CASZ1: variants seen among roughly 807,000 people sequenced by gnomAD.
CASZ1 encodes the protein castor zinc finger 1.
A neutral mutation model predicts 135.2 loss-of-function variants in CASZ1; 28 were observed. The ratio of observed to expected loss-of-function variants is 0.21; its 90% CI spans 0.15 to 0.28. The LOEUF is 0.28. Among genes scored for constraint, CASZ1 ranks in the 10% least tolerant of loss-of-function variants. CASZ1 has a pLI of 1.00. For synonymous variants in CASZ1, 1,068 were observed against 1,073.4 expected, an observed-to-expected ratio of 0.99 and a Z score of 0.10; for missense variants, 2,161 against 2,453.3, an observed-to-expected ratio of 0.88 and a Z score of 2.52.
rs1041640094 is a variant in CASZ1, at chr1:10,709,793, C to T, written c.-76-4249G>A. On this transcript the variant is annotated intron_variant, in intron 2 of 20. Coordinates refer to ENST00000377022, the MANE Select transcript of CASZ1 (RefSeq NM_001079843.3). The surrounding 1 kb of genome is among the most constrained non-coding windows in gnomAD (Gnocchi z 5.1). ...GATCCCATGGCATAACCAGGCAAAA[C>T]GGAAAGGTCAGAGGAAGCCCGGAAC... Among the ~76,000 whole-genome samples the T allele has an allele frequency of 3.3e-5, 5 of 152,268 alleles. No individual in the cohort carries two copies. Among genetic ancestry groups the T allele is most frequent in the East Asian group, 3.9e-4 (2 of 5,164 alleles).
intron 1 of CASZ1, among the ~76,000 whole-genome samples, chr1:10,783,009 C>T (rs1323862150): frequency 1.3e-5 from 2 of 152,162 alleles, no homozygotes; most frequent in Non-Finnish European, 2.9e-5. Context: ...AACTCACTGA[C>T]TCAATTGCCT....
At position 10,657,996 on chromosome 1, in the gene CASZ1, C is replaced by CTT. The variant is rs1194066214; in HGVS notation, c.1409+510_1409+511dup. On this transcript the variant is annotated intron_variant, in intron 7 of 20. Coordinates refer to ENST00000377022, the MANE Select transcript of CASZ1 (RefSeq NM_001079843.3). This position sits in a 1 kb window ranked among gnomAD's most constrained non-coding sequence, Gnocchi z 5.7. ...ACCTTCTCTCTCGCTTTCTCTCTCT[C>CTT]TTTTTTTTTTTTTTTTTAAAGAGAT... 13 of 126,162 alleles carry CTT rather than the reference C, an allele frequency of 1.0e-4. No individual in the cohort carries two copies. Among genetic ancestry groups the CTT allele is most frequent in the East Asian group, 7.3e-4 (3 of 4,100 alleles). 7.8% of individuals were successfully genotyped at this position (126,162 alleles called of 1,614,324 possible). A position where few individuals can be genotyped will look rare whatever the true frequency, so the allele number is the denominator to read the frequency against.
chr1:10,758,581 C>T (rs1301868186), intron 2 of CASZ1, among the ~76,000 whole-genome samples: 2 of 152,192 alleles, frequency 1.3e-5, no homozygotes, highest in Non-Finnish European at 2.9e-5. Flanking sequence ...ATCTGTCTGC[C>T]TCAGCCTCCC....
At chr1:10,687,363 A>T (rs1031891587) in intron 4 of CASZ1, among the ~76,000 whole-genome samples, 1 of 152,224 alleles carries the variant, frequency 6.6e-6, no homozygotes, top group Non-Finnish European at 1.5e-5. Flanking sequence ...TCTTGGCTTT[A>T]GGAAGGGTGT....
intron 1 of CASZ1, among the ~76,000 whole-genome samples, chr1:10,784,711 C>G (rs1640824459): frequency 6.6e-6 from 1 of 152,102 alleles, no homozygotes; most frequent in Admixed American, 6.5e-5. Flanking sequence ...CTACAGGCTT[C>G]CACCACCATA....
intron 3 of CASZ1, among the ~76,000 whole-genome samples, chr1:10,695,645 T>C (rs1400463682): frequency 7.0e-6 from 1 of 143,048 alleles, no homozygotes; most frequent in Non-Finnish European, 1.5e-5. Flanking sequence ...CCTCATTTCC[T>C]GCCAGCCCAT....
At position 10,693,086 on chromosome 1, in the gene CASZ1, C is replaced by G. The variant is rs142453372; in HGVS notation, c.16+788G>C. 5.2e-3 allele frequency among the ~76,000 whole-genome samples: 795 copies of G among 152,296 alleles called. 1 individual carries two copies. Among genetic ancestry groups the G allele is most frequent in the Non-Finnish European group, 9.1e-3 (618 of 68,022 alleles). On this transcript the variant is annotated intron_variant, in intron 4 of 20. Coordinates refer to ENST00000377022, the MANE Select transcript of CASZ1 (RefSeq NM_001079843.3). ...GAAAACACCAAAATATCAGGATAAA[C>G]TGCCCCAGGTGAGCACCAGGCCTCC...
chr1:10,672,211 C>CTT (rs957554467), intron 4 of CASZ1, among the ~76,000 whole-genome samples: 1 of 131,476 alleles, frequency 7.6e-6, no homozygotes, highest in Non-Finnish European at 1.6e-5. Flanking sequence ...TCTCCCCCCT[C>CTT]CCCCCGCCAC....
chr1:10,657,674 G>A lies in CASZ1; in HGVS notation c.1409+834C>T, dbSNP rs964353691. On this transcript the variant is annotated intron_variant, in intron 7 of 20. Coordinates refer to ENST00000377022, the MANE Select transcript of CASZ1 (RefSeq NM_001079843.3). This position sits in a 1 kb window ranked among gnomAD's most constrained non-coding sequence, Gnocchi z 5.7. ...GGTGGACAGAGACAGAGCAGGACAG[G>A]GGATCGGAGACAGAGTGGGACGTGG... is the stretch of plus-strand genomic sequence containing the variant. Among the ~76,000 whole-genome samples the A allele has an allele frequency of 4.0e-5, 6 of 151,808 alleles. No homozygotes were observed. The highest frequency in any genetic ancestry group is 2.9e-5 in the Non-Finnish European group (2 of 67,962).
chr1:10,662,040 CCA>C (rs1557482023), intron 5 of CASZ1, among the ~76,000 whole-genome samples: 2 of 149,432 alleles, frequency 1.3e-5, no homozygotes, highest in Non-Finnish European at 3.0e-5. Context: ...TCTCACACAC[CCA>C]CATTCTCACA....
chr1:10,646,200 G>A lies in CASZ1; in HGVS notation c.3624C>T (p.Asn1208=). The A allele has an allele frequency of 6.2e-7, 1 of 1,614,208 alleles. No homozygotes were observed. Among genetic ancestry groups the A allele is most frequent in the Non-Finnish European group, 8.5e-7 (1 of 1,180,030 alleles). ...KAESHCLDHI[N]PNNNLVNVRD... ...GCACGTTCACCAGGTTGTTGTTGGG[G>A]TTGATGTGGTCCAGGCAGTGGGATT... The change falls in exon 17 of 21, where the codon AAC becomes AAT. Residue 1208 remains asparagine, a synonymous_variant. Transcript: ENST00000377022. This position sits in a 1 kb window ranked among gnomAD's most constrained non-coding sequence, Gnocchi z 6.4.
chr1:10,672,221 C>G (rs1238017618), intron 4 of CASZ1, among the ~76,000 whole-genome samples: 1 of 142,402 alleles, frequency 7.0e-6, no homozygotes, highest in Admixed American at 7.0e-5. Flanking sequence ...CCCCCCGCCA[C>G]CCCCTCCCCT....
rs747836736 is a variant in CASZ1 at position 10,721,922 on chromosome 1, C to T, written c.-76-16378G>A. 1.3e-5 allele frequency among the ~76,000 whole-genome samples: 2 copies of T among 152,244 alleles called. No homozygotes were observed. The highest frequency in any genetic ancestry group is 2.1e-4 in the South Asian group (1 of 4,832). On this transcript the variant is annotated intron_variant, in intron 2 of 20. Coordinates refer to ENST00000377022, the MANE Select transcript of CASZ1 (RefSeq NM_001079843.3). The surrounding 1 kb of genome is among the most constrained non-coding windows in gnomAD (Gnocchi z 5.4). ...CTTCGGGTCCGCCCAGCTGCCACTC[C>T]CACCTGTCTCTTCCTGTGTTTCTCC...
intron 4 of CASZ1, among the ~76,000 whole-genome samples, chr1:10,671,894 C>T (rs1049856778): frequency 3.9e-5 from 6 of 152,328 alleles, no homozygotes; most frequent in African/African-American, 7.2e-5. Context: ...TGCCTTTTCA[C>T]GGGAGCAGGT....
At position 10,649,441 on chromosome 1, in the gene CASZ1, T is replaced by G. The variant is rs1230246841; in HGVS notation, c.2881-4A>C. ...GGCCAGGGTTGCCCTGAGACATCTG[T>G]GAGGGACAGAGGCCGAGCATGGGGC... On this transcript the variant is annotated splice_polypyrimidine_tract_variant and splice_region_variant and intron_variant, in intron 13 of 20. Transcript: ENST00000377022. 1 of 1,605,150 alleles carries G rather than the reference T, an allele frequency of 6.2e-7. No homozygotes were observed. The highest frequency in any genetic ancestry group is 8.5e-7 in the Non-Finnish European group (1 of 1,175,016).
rs1640282096 is a variant in CASZ1, at chr1:10,757,523, C to T, written c.-77+3178G>A. ...CAAACATTGGCTGGGTGCAGTGGCT[C>T]ATGCCTGTAATCCCAGCACCTTGGG... On this transcript the variant is annotated intron_variant, in intron 2 of 20. Coordinates refer to ENST00000377022, the MANE Select transcript of CASZ1 (RefSeq NM_001079843.3). This position sits in a 1 kb window ranked among gnomAD's most constrained non-coding sequence, Gnocchi z 4.6. Among the ~76,000 whole-genome samples, 1 of 152,214 alleles carries T rather than the reference C, an allele frequency of 6.6e-6. No homozygotes were observed. Among genetic ancestry groups the T allele is most frequent in the Non-Finnish European group, 1.5e-5 (1 of 68,044 alleles).
intron 5 of CASZ1, among the ~76,000 whole-genome samples, 179 bp downstream of exon 5, chr1:10,664,904 C>G (rs1304651033): frequency 2.0e-5 from 3 of 149,910 alleles, no homozygotes; most frequent in Non-Finnish European, 3.0e-5. Flanking sequence ...TCCCTTCTCA[C>G]CTGGGGTGCC....
rs1252388600 is a variant in CASZ1, at chr1:10,646,615, GATT to G, written c.3498-292_3498-290del. Reference sequence around the variant, plus strand: ...AGTAGTTTCCATGGCCACACCTCAGGATTATAGATAAGGATGGCTGTAATAACT... The same window carrying G: ...AGTAGTTTCCATGGCCACACCTCAGGATAGATAAGGATGGCTGTAATAACT... On this transcript the variant is annotated intron_variant, in intron 16 of 20. Transcript: ENST00000377022. The surrounding 1 kb of genome is among the most constrained non-coding windows in gnomAD (Gnocchi z 6.4). Among the ~76,000 whole-genome samples the G allele has an allele frequency of 3.9e-5, 6 of 152,240 alleles. No homozygotes were observed. Among genetic ancestry groups the G allele is most frequent in the Non-Finnish European group, 2.9e-5 (2 of 68,042 alleles).
chr1:10,793,690 C>CT (rs1641002986), intron 1 of CASZ1, among the ~76,000 whole-genome samples: 1 of 147,516 alleles, frequency 6.8e-6, no homozygotes, highest in African/African-American at 2.5e-5. Flanking sequence ...CCTTAACCGC[C>CT]TCTAAGGTGG....
Sources: gnomAD v4.1 joint callset for allele counts (sites outside exome capture counted in the v4.1 genomes callset) on GRCh38, gnomAD v4.1.1 for gene constraint, Gnocchi (gnomAD v3.1) non-coding constraint, MANE v1.5 for transcripts, NCBI Gene and HGNC (gene_info 2026-07-23, HGNC 2026-07-21) for gene names.